MTCH2: variants seen among roughly 807,000 people sequenced by gnomAD.
MTCH2 encodes the protein mitochondrial carrier homolog 2.
Under a neutral mutation model 50.6 loss-of-function variants are expected in MTCH2, and 25 were observed. The ratio of observed to expected loss-of-function variants is 0.49; its 90% CI spans 0.36 to 0.69. MTCH2 has a LOEUF of 0.69. Among genes scored for constraint, MTCH2 ranks in the 30% least tolerant of loss-of-function variants. MTCH2 has a pLI of 0.00. For missense variants in MTCH2, 273 were observed against 384.4 expected (o/e 0.71, Z 2.42); for synonymous variants, 106 against 132.0 (o/e 0.80, Z 1.35).
rs373148624 is a variant in MTCH2, at chr11:47,630,583, G to A, written c.511C>T (p.Arg171Trp). 4.7e-5 allele frequency: 75 copies of A among 1,612,642 alleles called. 1 individual carries two copies. Among genetic ancestry groups the A allele is most frequent in the South Asian group, 4.4e-5 (4 of 91,040 alleles). ...AAAAATCCTAGAATGCCCTCTTCCC[G>A]ATAGATGGTTATTATGGAATCACAA... is the stretch of plus-strand genomic sequence containing the variant. ...GLCDSIITIY[R>W]EEGILGFFAG... is the part of the protein sequence containing the mutation. The change falls in exon 8 of 13, where the codon CGG becomes TGG. Residue 171 changes from arginine (R) to tryptophan (W), a missense_variant. Physicochemically the swap from Arg to Trp is moderately radical, Grantham distance 101 (BLOSUM62 -3). Transcript: ENST00000302503.
intron 5 of MTCH2, among the ~76,000 whole-genome samples, chr11:47,633,045 TA>T (rs2097304662): frequency 6.6e-6 from 1 of 150,686 alleles, no homozygotes; most frequent in African/African-American, 2.4e-5. Flanking sequence ...TCCAAGGGCA[TA>T]AGATCCTATG....
rs1730452415 is a variant in MTCH2, at chr11:47,618,096, A to AT, written c.*736dup. ...TTCCTTTGAGGAAAAAAGTGCCATT[A>AT]TACTTCCTTTCCAAATCTTGCTTAT... On this transcript the variant is annotated 3_prime_UTR_variant, in exon 13 of 13. Transcript: ENST00000302503. The AT allele has an allele frequency of 6.6e-6, 1 of 152,180 alleles. No individual in the cohort carries two copies. The highest frequency in any genetic ancestry group is 1.5e-5 in the Non-Finnish European group (1 of 68,028). 9.4% of individuals were successfully genotyped at this position (152,180 alleles called of 1,614,324 possible).
At chr11:47,633,527 T>TATATATATATATATA (rs59398950) in intron 5 of MTCH2, among the ~76,000 whole-genome samples, 100 of 18,696 alleles carry the variant, frequency 5.3e-3, no homozygotes, top group Non-Finnish European at 7.4e-3. Flanking sequence ...TATATATATA[T>TATATATATATATATA]TTTTTTTTTT....
At position 47,642,486 on chromosome 11, in the gene MTCH2, G is replaced by GGACA; in HGVS notation, c.-25_-22dup. On this transcript the variant is annotated 5_prime_UTR_variant, in exon 1 of 13. Transcript: ENST00000302503. ...GCCATGATGGCACCCGCGGGCGGAC[G>GGACA]GACAGACAGACGGAGCCACCAAGCG... 1 of 1,475,592 alleles carries GGACA rather than the reference G, an allele frequency of 6.8e-7. No homozygotes were observed. The highest frequency in any genetic ancestry group is 2.7e-5 in the East Asian group (1 of 37,594). The allele number at this position is 1,475,592 out of a possible 1,614,324, so 91.4% of individuals were successfully genotyped here. A position where few individuals can be genotyped will look rare whatever the true frequency, so the allele number is the denominator to read the frequency against.
At chr11:47,622,797 G>C (rs956993111) in intron 11 of MTCH2, 21 bp from the exon 12 acceptor site, 3 of 1,103,676 alleles carry the variant, frequency 2.7e-6, no homozygotes, top group Admixed American at 1.1e-4. Flanking sequence ...AAAAAACATG[G>C]AGCTATTCAT....
downstream of MTCH2, among the ~76,000 whole-genome samples, chr11:47,615,791 C>CCCGT (rs113387419): frequency 6.6e-6 from 1 of 151,760 alleles, no homozygotes; most frequent in Non-Finnish European, 1.5e-5. Flanking sequence ...CGCCACCACG[C>CCCGT]CTAATTTTTG....
At chr11:47,640,769 G>A (rs893527451) in intron 1 of MTCH2, among the ~76,000 whole-genome samples, 1 of 151,992 alleles carries the variant, frequency 6.6e-6, no homozygotes, top group Non-Finnish European at 1.5e-5. Context: ...AAACTCCTGG[G>A]CTACTTGGCA....
chr11:47,615,845 C>CA (rs2097288093), downstream of MTCH2, among the ~76,000 whole-genome samples: 1 of 151,268 alleles, frequency 6.6e-6, no homozygotes, highest in African/African-American at 2.4e-5. Flanking sequence ...AGGCTGGTCT[C>CA]AAATTCCTGA....
chr11:47,607,558 C>T, the MTCH2 span, among the ~76,000 whole-genome samples: 17 of 152,260 alleles, frequency 1.1e-4, no homozygotes, highest in Admixed American at 9.2e-4. Context: ...GCTAGCGTCT[C>T]CCAGACACAC....
intron 5 of MTCH2, among the ~76,000 whole-genome samples, chr11:47,632,923 A>C (rs1479312176): frequency 1.3e-5 from 2 of 150,376 alleles, no homozygotes; most frequent in Non-Finnish European, 3.0e-5. Context: ...GCTGGTTTTG[A>C]ATGCCTGACC....
At chr11:47,625,800 C>A in intron 10 of MTCH2, 59 bp from the exon 11 acceptor site, 1 of 1,426,598 alleles carries the variant, frequency 7.0e-7, no homozygotes. Flanking sequence ...ATTCTCCTTT[C>A]CTTTACCTTA....
intron 1 of MTCH2, 87 bp from the exon 2 acceptor site, chr11:47,639,138 G>C: frequency 8.3e-7 from 1 of 1,208,216 alleles, no homozygotes; most frequent in Non-Finnish European, 1.2e-6. Context: ...AACACAATTT[G>C]GGTTATTTTT....
intron 5 of MTCH2, among the ~76,000 whole-genome samples, chr11:47,633,241 C>G (rs1479368854): frequency 2.0e-5 from 3 of 150,290 alleles, no homozygotes; most frequent in Non-Finnish European, 4.4e-5. Context: ...TCCCGAGTAG[C>G]TGGGACTACA....
the MTCH2 span, among the ~76,000 whole-genome samples, chr11:47,611,269 G>A: frequency 6.6e-6 from 1 of 152,230 alleles, no homozygotes; most frequent in African/African-American, 2.4e-5. Context: ...TCAGGGGGAG[G>A]AAAGGCATGA....
intron 8 of MTCH2, chr11:47,629,412 C>T (rs1598843170): frequency 4.3e-6 from 1 of 233,774 alleles, no homozygotes; most frequent in East Asian, 9.8e-5. Flanking sequence ...GCTAAGCTAT[C>T]TGATATTCAT....
At chr11:47,605,590 A>G in the MTCH2 span, among the ~76,000 whole-genome samples, 1 of 152,188 alleles carries the variant, frequency 6.6e-6, no homozygotes, top group Non-Finnish European at 1.5e-5. Context: ...GTGGGCACTG[A>G]CCACTACTAG....
At chr11:47,605,456 C>T in the MTCH2 span, among the ~76,000 whole-genome samples, 1 of 152,174 alleles carries the variant, frequency 6.6e-6, no homozygotes, top group South Asian at 2.1e-4. Flanking sequence ...GGTCTCTCCA[C>T]TTACTCTTTT....
chr11:47,614,367 C>A (rs1190943380), downstream of MTCH2, among the ~76,000 whole-genome samples: 1 of 152,222 alleles, frequency 6.6e-6, no homozygotes, highest in African/African-American at 2.4e-5. Context: ...ACAGGCTTGG[C>A]AGTCACTACT....
At chr11:47,623,854 C>T (rs1166856961) in intron 11 of MTCH2, among the ~76,000 whole-genome samples, 1 of 152,050 alleles carries the variant, frequency 6.6e-6, no homozygotes, top group African/African-American at 2.4e-5. Flanking sequence ...GAGTTCGAGA[C>T]CAGCCTGGCC....
Sources: gnomAD v4.1 joint callset for allele counts (sites outside exome capture counted in the v4.1 genomes callset) on GRCh38, gnomAD v4.1.1 for gene constraint, MANE v1.5 for transcripts, NCBI Gene and HGNC (gene_info 2026-07-23, HGNC 2026-07-21) for gene names.